The following RIMBP2 variants were observed in gnomAD, a reference collection of about 807,000 sequenced individuals.
RIMBP2 encodes RIMS-binding protein 2.
RIMBP2 carries 48 observed loss-of-function variants against 118.6 expected under a neutral mutation model. The ratio of observed to expected loss-of-function variants is 0.40; its 90% CI spans 0.32 to 0.51. The LOEUF is 0.51. Among genes scored for constraint, RIMBP2 ranks in the 20% least tolerant of loss-of-function variants. The pLI is 0.41. For missense variants in RIMBP2, 1,551 were observed against 1,768.3 expected (o/e 0.88, Z 2.20); for synonymous variants, 762 against 742.9 (o/e 1.03, Z -0.42).
At chr12:130,477,405 G>A (rs986037202) in intron 5 of RIMBP2, among the ~76,000 whole-genome samples, 6 of 152,188 alleles carry the variant, frequency 3.9e-5, no homozygotes, top group African/African-American at 7.2e-5. Context: ...GGAGTGTGAC[G>A]AATAAGTGCA....
chr12:130,556,408 A>C (rs1004194142), intron 2 of RIMBP2, among the ~76,000 whole-genome samples: 2 of 152,244 alleles, frequency 1.3e-5, no homozygotes, highest in African/African-American at 2.4e-5. Context: ...AAATGATTGG[A>C]ACTCGGGAAG....
chr12:130,545,859 C>T (rs1294028701), intron 2 of RIMBP2, among the ~76,000 whole-genome samples: 2 of 152,142 alleles, frequency 1.3e-5, no homozygotes, highest in East Asian at 3.9e-4. Flanking sequence ...ATATTCTGTG[C>T]CAATACCGTT....
chr12:130,535,764 T>TACAC (rs1566218415), intron 2 of RIMBP2, among the ~76,000 whole-genome samples: 1 of 109,344 alleles, frequency 9.1e-6, no homozygotes, highest in African/African-American at 3.3e-5. Flanking sequence ...TATATATATA[T>TACAC]ATATATATAT....
At chr12:130,607,770 TCTC>T (rs953066141) in intron 2 of RIMBP2, among the ~76,000 whole-genome samples, 25 of 151,998 alleles carry the variant, frequency 1.6e-4, no homozygotes, top group African/African-American at 6.0e-4. Context: ...TCAAGTTCCA[TCTC>T]CTTTTTTTCC....
intron 2 of RIMBP2, among the ~76,000 whole-genome samples, chr12:130,600,464 G>A (rs922237285): frequency 2.4e-4 from 30 of 124,140 alleles, no homozygotes; most frequent in Admixed American, 1.5e-3. Flanking sequence ...AACCTCCCCC[G>A]TCTGGCCGGA....
chr12:130,479,306 G>A (rs570931535), intron 4 of RIMBP2, among the ~76,000 whole-genome samples: 14 of 152,312 alleles, frequency 9.2e-5, no homozygotes, highest in African/African-American at 2.2e-4. Flanking sequence ...TGTGACTTTC[G>A]TCTTTTTGCT....
rs1358740879 is a variant in RIMBP2 at position 130,475,651 on chromosome 12, C to A, written c.102+3261G>T. ...AGGGGAAAATGGAATCAGAAGCCCC[C>A]CAGAGGACTGAGACTCTCTTGAGAG... On this transcript the variant is annotated intron_variant, in intron 5 of 22. Coordinates refer to ENST00000690449, the MANE Select transcript of RIMBP2 (RefSeq NM_001393629.1). This position sits in a 1 kb window ranked among gnomAD's most constrained non-coding sequence, Gnocchi z 4.1. Among the ~76,000 whole-genome samples, 2 of 151,960 alleles carry A rather than the reference C, an allele frequency of 1.3e-5. No individual in the cohort carries two copies. Among genetic ancestry groups the A allele is most frequent in the Non-Finnish European group, 2.9e-5 (2 of 67,994 alleles).
At chr12:130,627,802 C>G (rs2061736192) in intron 2 of RIMBP2, among the ~76,000 whole-genome samples, 1 of 152,240 alleles carries the variant, frequency 6.6e-6, no homozygotes. Flanking sequence ...CTCACGTCCA[C>G]TACCATCCTG....
At chr12:130,485,277 T>C (rs1219509614) in intron 4 of RIMBP2, among the ~76,000 whole-genome samples, 5 of 152,236 alleles carry the variant, frequency 3.3e-5, no homozygotes, top group Non-Finnish European at 7.3e-5. Context: ...CACTGTGTCA[T>C]TTGAGGCTGA....
At chr12:130,421,468 A>G (rs75001641) in intron 17 of RIMBP2, among the ~76,000 whole-genome samples, 8,644 of 152,356 alleles carry the variant, frequency 0.057, 332 homozygotes, top group Middle Eastern at 0.16. Context: ...CTGGCAGGAC[A>G]CAATTTCAAA....
At chr12:130,464,774 C>T (rs534365432) in intron 6 of RIMBP2, among the ~76,000 whole-genome samples, 1 of 152,318 alleles carries the variant, frequency 6.6e-6, no homozygotes, top group Admixed American at 6.5e-5. Flanking sequence ...CCCACCTAAG[C>T]CCAAGCCTGT....
chr12:130,566,159 C>CA (rs2057200482), intron 2 of RIMBP2, among the ~76,000 whole-genome samples: 3 of 150,014 alleles, frequency 2.0e-5, no homozygotes, highest in Admixed American at 6.6e-5. Context: ...AATTTGTTGC[C>CA]AATTTATACA....
At chr12:130,664,042 T>C (rs1183025008) in intron 1 of RIMBP2, among the ~76,000 whole-genome samples, 1 of 151,498 alleles carries the variant, frequency 6.6e-6, no homozygotes, top group Non-Finnish European at 1.5e-5. Context: ...AAAAAATCTA[T>C]TGTTTTAATT....
chr12:130,629,319 C>T (rs1427599069), intron 1 of RIMBP2, among the ~76,000 whole-genome samples: 1 of 152,198 alleles, frequency 6.6e-6, no homozygotes, highest in African/African-American at 2.4e-5. Flanking sequence ...CAAACATGTT[C>T]TGAGCACCTG....
Position 130,629,436 on chromosome 12 carries a change from A to C in RIMBP2, c.-351-980T>G, listed in dbSNP as rs150837279. 1.7e-3 allele frequency among the ~76,000 whole-genome samples: 253 copies of C among 152,348 alleles called. 1 individual carries two copies. The highest frequency in any genetic ancestry group is 0.01 in the Middle Eastern group (3 of 294). ...AACAGGCATGCATAATGTTAGTTCA[A>C]GCTAGAATCTAATAAAATTTAGAAT... On this transcript the variant is annotated intron_variant, in intron 1 of 22. Transcript: ENST00000690449.
At chr12:130,470,028 A>G (rs1258214038) in intron 6 of RIMBP2, among the ~76,000 whole-genome samples, 1 of 152,198 alleles carries the variant, frequency 6.6e-6, no homozygotes, top group Non-Finnish European at 1.5e-5. Flanking sequence ...TTGGACCAGG[A>G]GCCAGGGACA....
At chr12:130,669,400 A>G (rs1035315070) in intron 1 of RIMBP2, among the ~76,000 whole-genome samples, 8 of 152,154 alleles carry the variant, frequency 5.3e-5, no homozygotes, top group Admixed American at 2.6e-4. Context: ...TTGTATTGTA[A>G]TCCCCATAAT....
At chr12:130,637,767 A>G (rs938892270) in intron 1 of RIMBP2, among the ~76,000 whole-genome samples, 4 of 152,158 alleles carry the variant, frequency 2.6e-5, no homozygotes, top group African/African-American at 7.2e-5. Flanking sequence ...TTTGTTGTTT[A>G]TCCAGAAACC....
chr12:130,555,521 A>T (rs1470408814), intron 2 of RIMBP2, among the ~76,000 whole-genome samples: 2 of 152,208 alleles, frequency 1.3e-5, no homozygotes, highest in Admixed American at 6.5e-5. Flanking sequence ...TCATTTGAAG[A>T]CAGAAATATG....
Sources: allele counts gnomAD v4.1 joint callset (sites outside exome capture counted in the v4.1 genomes callset), GRCh38; gene constraint gnomAD v4.1.1; non-coding constraint Gnocchi (gnomAD v3.1); transcripts MANE v1.5; gene names NCBI Gene and HGNC (gene_info 2026-07-23, HGNC 2026-07-21).